RTF2: variants seen among roughly 807,000 people sequenced by gnomAD.
The protein encoded by RTF2 is UPF0549 protein C20orf43.
In RTF2, 18 loss-of-function variants were observed where a neutral mutation model predicts 38.0. That is an observed-to-expected ratio of 0.47 (90% CI 0.33 to 0.70). The LOEUF (loss-of-function observed/expected upper bound fraction) is 0.70, where lower values mean the gene tolerates loss of function less well. RTF2 is among the 30% of genes least tolerant of loss of function. RTF2 has a pLI of 0.02. For synonymous variants in RTF2, 126 were observed against 137.1 expected (o/e 0.92, Z 0.57); for missense variants, 311 against 379.6 (o/e 0.82, Z 1.50).
In RTF2 at chr20:56,485,199, G is replaced by A. The variant is rs544917087; in HGVS notation, c.477+1010G>A. Among the ~76,000 whole-genome samples the A allele has an allele frequency of 1.8e-3, 278 of 152,258 alleles. 3 individuals are homozygous for A. The highest frequency in any genetic ancestry group is 6.3e-3 in the African/African-American group (262 of 41,522). On this transcript the variant is annotated intron_variant, in intron 5 of 8. Transcript: ENST00000357348. ...GGCTGGCGTAGTGGTGGTCGGCAGA[G>A]GCATATCTGGAGGTTTGAGCTGAGA...
chr20:56,474,743 A>G lies in RTF2; in HGVS notation c.230A>G (p.Lys77Arg). ...LDKSAEKALGKAASHIKSIKN... is the reference protein window; with the variant it reads ...LDKSAEKALGRAASHIKSIKN... ...AAATCTGCAGAAAAGGCTCTTGGGA[A>G]GGCAGCATCTCACATTAAAAGCATT... Residue 77 changes from lysine to arginine, a missense_variant, in exon 3 of 9, where the codon AAG becomes AGG. Physicochemically the swap from Lys to Arg is conservative, Grantham distance 26. Transcript: ENST00000357348. 1 of 1,611,132 alleles carries G rather than the reference A, an allele frequency of 6.2e-7. No individual in the cohort carries two copies. Among genetic ancestry groups the G allele is most frequent in the East Asian group, 2.2e-5 (1 of 44,804 alleles).
At chr20:56,496,551 ATCAG>A (rs1983550254) in intron 5 of RTF2, 7 of 1,377,076 alleles carry the variant, frequency 5.1e-6, no homozygotes, top group Admixed American at 3.2e-5. Context: ...CCGTCTCAAA[ATCAG>A]TCAGTCAATC....
intron 1 of RTF2, 68 bp from the exon 2 acceptor site, chr20:56,473,233 A>G (rs1244911071): frequency 1.2e-5 from 13 of 1,127,402 alleles, no homozygotes; most frequent in African/African-American, 4.6e-5. Context: ...ATATACTTTT[A>G]TATGTAGAAT....
chr20:56,508,925 A>G (rs1028181002), intron 5 of RTF2, among the ~76,000 whole-genome samples: 2 of 152,232 alleles, frequency 1.3e-5, no homozygotes, highest in African/African-American at 4.8e-5. Flanking sequence ...CACTTAGGAG[A>G]AACGCAGGAG....
intron 5 of RTF2, among the ~76,000 whole-genome samples, chr20:56,499,419 G>A (rs1349214083): frequency 2.0e-5 from 3 of 151,962 alleles, no homozygotes; most frequent in Middle Eastern, 3.2e-3. Flanking sequence ...CTGACCTCGT[G>A]ATCCACCCGC....
chr20:56,500,978 TTAA>T (rs1157072125), intron 5 of RTF2, among the ~76,000 whole-genome samples: 1 of 151,598 alleles, frequency 6.6e-6, no homozygotes, highest in African/African-American at 2.4e-5. Context: ...GCTTTTTTTT[TTAA>T]AAAAAATCTT....
At chr20:56,476,244 A>C (rs563279579) in intron 3 of RTF2, among the ~76,000 whole-genome samples, 53 of 152,222 alleles carry the variant, frequency 3.5e-4, no homozygotes, top group Non-Finnish European at 5.0e-4. Context: ...CAATGATTTT[A>C]TATATATATT....
chr20:56,513,876 C>G (rs1318145347), intron 6 of RTF2: 2 of 163,370 alleles, frequency 1.2e-5, no homozygotes, highest in African/African-American at 4.8e-5. Context: ...CACCATCATC[C>G]CAGCAAAATG....
chr20:56,482,723 T>C (rs1469730785), intron 4 of RTF2, among the ~76,000 whole-genome samples: 1 of 152,250 alleles, frequency 6.6e-6, no homozygotes, highest in Non-Finnish European at 1.5e-5. Flanking sequence ...GTTAGGCCAA[T>C]CTGCGTCTGC....
intron 4 of RTF2, among the ~76,000 whole-genome samples, chr20:56,479,595 C>T (rs190034169): frequency 2.4e-4 from 37 of 152,226 alleles, no homozygotes; most frequent in Middle Eastern, 6.8e-3. Flanking sequence ...TTACTTTGCC[C>T]AGATCCATCA....
chr20:56,489,457 G>A (rs1195116214), intron 5 of RTF2, among the ~76,000 whole-genome samples: 3 of 152,148 alleles, frequency 2.0e-5, no homozygotes, highest in African/African-American at 2.4e-5. Context: ...TTTGTGTGAC[G>A]TAAGGTCATG....
chr20:56,490,613 G>A (rs776178130), intron 5 of RTF2, among the ~76,000 whole-genome samples: 2 of 152,194 alleles, frequency 1.3e-5, no homozygotes, highest in Non-Finnish European at 2.9e-5. Context: ...TCGGGAGTTC[G>A]AGATCAGCCT....
intron 5 of RTF2, among the ~76,000 whole-genome samples, chr20:56,493,036 T>C (rs1379240342): frequency 6.6e-6 from 1 of 151,508 alleles, no homozygotes; most frequent in East Asian, 1.9e-4. Context: ...ATTAGCTGGG[T>C]GTGGTGGTGC....
intron 5 of RTF2, among the ~76,000 whole-genome samples, chr20:56,500,346 G>A (rs1335002478): frequency 2.6e-5 from 4 of 152,154 alleles, no homozygotes; most frequent in Non-Finnish European, 5.9e-5. Flanking sequence ...GAGCCACCTC[G>A]CCCAGCTAGT....
At chr20:56,494,609 G>A (rs996034956) in intron 5 of RTF2, among the ~76,000 whole-genome samples, 1 of 152,132 alleles carries the variant, frequency 6.6e-6, no homozygotes, top group African/African-American at 2.4e-5. Context: ...ATCTGCTTTT[G>A]AAAAAACCCC....
intron 3 of RTF2, among the ~76,000 whole-genome samples, chr20:56,475,822 T>C (rs1450598132): frequency 3.3e-5 from 5 of 152,206 alleles, no homozygotes; most frequent in South Asian, 2.1e-4. Flanking sequence ...TTTTATGTGG[T>C]TGAATATTTA....
chr20:56,510,435 C>G (rs1407254970), intron 5 of RTF2, among the ~76,000 whole-genome samples: 1 of 152,100 alleles, frequency 6.6e-6, no homozygotes, highest in African/African-American at 2.4e-5. Context: ...AAACAGAAAC[C>G]CAGAATGCTC....
intron 1 of RTF2, among the ~76,000 whole-genome samples, chr20:56,470,120 A>G (rs891863895): frequency 6.6e-6 from 1 of 152,214 alleles, no homozygotes; most frequent in Non-Finnish European, 1.5e-5. Context: ...ATGTGTGAAT[A>G]TGGGAATGAA....
rs1316684853 is a variant in RTF2 at position 56,497,585 on chromosome 20, C to T, written c.477+13396C>T. 2.2e-6 allele frequency: 3 copies of T among 1,335,986 alleles called. No individual in the cohort carries two copies. The African/African-American group carries it at 4.5e-5, about 20-fold the overall frequency. The allele number at this position is 1,335,986 out of a possible 1,614,324, so 82.8% of individuals were successfully genotyped here. ...TGACTGCCCTCACGACAAGTCCAGA[C>T]TTTGTGGCTCGAAGCTGGCTCATAT... On this transcript the variant is annotated intron_variant, in intron 5 of 8. Coordinates refer to ENST00000357348, the MANE Select transcript of RTF2 (RefSeq NM_016407.5).
Sources: gnomAD v4.1 joint callset for allele counts (sites outside exome capture counted in the v4.1 genomes callset) on GRCh38, gnomAD v4.1.1 for gene constraint, MANE v1.5 for transcripts, NCBI Gene and HGNC (gene_info 2026-07-23, HGNC 2026-07-21) for gene names.